ANKRD36: variants seen among roughly 807,000 people sequenced by gnomAD.
ANKRD36 encodes ankyrin repeat domain-containing protein 36A.
In ANKRD36, 179 loss-of-function variants were observed where a neutral mutation model predicts 278.1. That is an observed-to-expected ratio of 0.64 (90% CI 0.57 to 0.73). The LOEUF (loss-of-function observed/expected upper bound fraction) is 0.73. ANKRD36 is among the 30% of genes least tolerant of loss of function. ANKRD36 has a pLI of 0.00. For missense variants in ANKRD36, 1,159 were observed against 1,956.7 expected (o/e 0.59, Z 7.69); for synonymous variants, 320 against 641.1 (o/e 0.50, Z 7.57).
chr2:97,191,270 A>G, intron 36 of ANKRD36, 89 bp downstream of exon 36: 1 of 1,345,042 alleles, frequency 7.4e-7, no homozygotes, highest in East Asian at 2.6e-5. Flanking sequence ...GGGCTCGTCG[A>G]AGCTGCACAT....
At position 97,206,200 on chromosome 2, in the gene ANKRD36, G is replaced by A. The variant is rs911196390; in HGVS notation, c.3163+65G>A. Reference sequence around the variant, plus strand: ...ATAGATAAGAAGTTCTCTTCCCCAAGTAAATCAGCGGGGGGCTCATCGAAG... The same window carrying A: ...ATAGATAAGAAGTTCTCTTCCCCAAATAAATCAGCGGGGGGCTCATCGAAG... On this transcript the variant is annotated intron_variant, in intron 52 of 75. Coordinates refer to ENST00000420699, the MANE Select transcript of ANKRD36 (RefSeq NM_001354587.1). The A allele has an allele frequency of 8.7e-5, 124 of 1,429,294 alleles. No individual in the cohort carries two copies. In the Middle Eastern group the frequency reaches 9.9e-4, roughly 11 times the overall value. 88.5% of individuals were successfully genotyped at this position (1,429,294 alleles called of 1,614,324 possible).
At chr2:97,149,525 T>C (rs2045334905) in intron 12 of ANKRD36, among the ~76,000 whole-genome samples, 164 bp downstream of exon 12, 1 of 150,440 alleles carries the variant, frequency 6.6e-6, no homozygotes, top group African/African-American at 2.5e-5. Flanking sequence ...TTAATTTTAA[T>C]TTTTTTTACT....
At chr2:97,146,387 C>G in intron 10 of ANKRD36, 99 bp from the exon 11 acceptor site, 2 of 1,029,746 alleles carry the variant, frequency 1.9e-6, no homozygotes, top group East Asian at 2.7e-5. Flanking sequence ...TTTTGAGTAG[C>G]TGAGATTATA....
At chr2:97,147,058 G>GT (rs2044455477) in intron 11 of ANKRD36, among the ~76,000 whole-genome samples, 1 of 151,798 alleles carries the variant, frequency 6.6e-6, no homozygotes, top group African/African-American at 2.4e-5. Flanking sequence ...AAGACCGTAA[G>GT]TTTTTTGTAA....
chr2:97,207,073 G>A (rs1469509891), intron 52 of ANKRD36, among the ~76,000 whole-genome samples: 3 of 151,514 alleles, frequency 2.0e-5, no homozygotes, highest in Non-Finnish European at 4.4e-5. Flanking sequence ...AATGCTTGTA[G>A]CAGTCTTACT....
Position 97,191,109 on chromosome 2 carries a change from G to T in ANKRD36, c.2275G>T (p.Ala759Ser). Residue 759 changes from alanine (A) to serine (S), a missense_variant and splice_region_variant, in exon 36 of 76, where the codon GCT (alanine) becomes TCT (serine). Transcript: ENST00000420699. ...VSSQKQPALK[A>S]TTDEKDSVSN... ...TTACTTTCTTTCAAATTCCATTCAG[G>T]CTACAACTGATGAGAAAGATTCTGT... 6.3e-7 allele frequency: 1 copy of T among 1,596,670 alleles called. No individual in the cohort carries two copies. The highest frequency in any genetic ancestry group is 8.5e-7 in the Non-Finnish European group (1 of 1,171,712).
intron 5 of ANKRD36, among the ~76,000 whole-genome samples, chr2:97,125,236 A>G (rs2038246424): frequency 6.6e-6 from 1 of 151,636 alleles, no homozygotes; most frequent in Non-Finnish European, 1.5e-5. Context: ...CTCAATCTTC[A>G]TGTTGATCCA....
At chr2:97,231,879 C>T (rs1258946825) in intron 67 of ANKRD36, among the ~76,000 whole-genome samples, 1 of 152,102 alleles carries the variant, frequency 6.6e-6, no homozygotes, top group Non-Finnish European at 1.5e-5. Flanking sequence ...TAGGAAAAAG[C>T]ACTCAAGTGT....
At chr2:97,199,620 C>T (rs1265668067) in intron 44 of ANKRD36, among the ~76,000 whole-genome samples, 16 of 151,888 alleles carry the variant, frequency 1.1e-4, no homozygotes, top group Non-Finnish European at 1.5e-5. Flanking sequence ...AGAAGTATGT[C>T]AAAGTTGATA....
intron 6 of ANKRD36, among the ~76,000 whole-genome samples, chr2:97,134,473 C>G (rs1425809477): frequency 1.3e-5 from 2 of 152,014 alleles, no homozygotes; most frequent in Non-Finnish European, 2.9e-5. Flanking sequence ...GAAAGTCTTT[C>G]CTATTTACCT....
intron 18 of ANKRD36, 42 bp from the exon 19 acceptor site, chr2:97,164,241 A>T (rs753327672): frequency 3.4e-6 from 5 of 1,488,680 alleles, no homozygotes; most frequent in Non-Finnish European, 4.5e-6. Context: ...AGGCTGTGTC[A>T]TATTTACCTG....
At chr2:97,168,277 T>C (rs1415844911) in intron 22 of ANKRD36, among the ~76,000 whole-genome samples, 1 of 152,274 alleles carries the variant, frequency 6.6e-6, no homozygotes, top group East Asian at 1.9e-4. Context: ...GTTTGTGAGT[T>C]TGGGTGTGTG....
In ANKRD36 at chr2:97,220,177, G is replaced by A. The variant is rs569099207; in HGVS notation, c.3877+931G>A. 1.1e-3 allele frequency among the ~76,000 whole-genome samples: 165 copies of A among 148,296 alleles called. 2 individuals are homozygous for A. Among genetic ancestry groups the A allele is most frequent in the African/African-American group, 3.9e-3 (154 of 39,086 alleles). On this transcript the variant is annotated intron_variant, in intron 66 of 75. Transcript: ENST00000420699. ...ATAGTTTGATACAGGCATACAATGT[G>A]TAATAATGACATCATGGTTAATGGG... is the stretch of plus-strand genomic sequence containing the variant.
chr2:97,223,064 G>T (rs1293373158), intron 66 of ANKRD36, among the ~76,000 whole-genome samples: 22 of 149,054 alleles, frequency 1.5e-4, no homozygotes, highest in African/African-American at 5.2e-4. Flanking sequence ...TTTCATTTTT[G>T]ACAATTATTT....
In ANKRD36 at chr2:97,179,769, A is replaced by C. The variant is rs1354368448; in HGVS notation, c.1662+3A>C. 1.9e-6 allele frequency: 3 copies of C among 1,594,038 alleles called. No individual in the cohort carries two copies. The Admixed American group carries it at 5.1e-5, about 27-fold the overall frequency. ...CTCAGAAACAACCAGCTGAGAAGGT[A>C]ATTAAAGTCTCATTTATATGTTGAA... On this transcript the variant is annotated splice_donor_region_variant and intron_variant, in intron 23 of 75. Transcript: ENST00000420699.
At chr2:97,192,313 C>A (rs528704415) in intron 36 of ANKRD36, among the ~76,000 whole-genome samples, 51 of 151,830 alleles carry the variant, frequency 3.4e-4, no homozygotes, top group Non-Finnish European at 4.7e-4. Context: ...TAGGTATCAG[C>A]AAATGGATAT....
At position 97,193,470 on chromosome 2, in the gene ANKRD36, G is replaced by A. The variant is rs547279932; in HGVS notation, c.2449+417G>A. ...CCGTAGACACTGTAGGAGAACTAAGGAGACCCCTGGTGTAGCAACTATTTT... is the reference window on the plus strand; with the variant it reads ...CCGTAGACACTGTAGGAGAACTAAGAAGACCCCTGGTGTAGCAACTATTTT... On this transcript the variant is annotated intron_variant, in intron 38 of 75. Transcript: ENST00000420699. Among the ~76,000 whole-genome samples, 15 of 119,942 alleles carry A rather than the reference G, an allele frequency of 1.3e-4. No individual in the cohort carries two copies. In the East Asian group the frequency reaches 2.6e-3, roughly 20 times the overall value. 78.7% of individuals were successfully genotyped at this position (119,942 alleles called of 152,430 possible).
chr2:97,216,901 G>A (rs1401712325), intron 62 of ANKRD36: 2 of 761,766 alleles, frequency 2.6e-6, no homozygotes, highest in Admixed American at 2.2e-5. Flanking sequence ...TCATCACTCA[G>A]CATATCCACG....
intron 6 of ANKRD36, among the ~76,000 whole-genome samples, chr2:97,130,060 G>T (rs530229929): frequency 6.6e-6 from 1 of 152,080 alleles, no homozygotes; most frequent in Admixed American, 6.6e-5. Flanking sequence ...ATTACCTTGG[G>T]CAGTACAGCC....
Sources: allele counts gnomAD v4.1 joint callset (sites outside exome capture counted in the v4.1 genomes callset), GRCh38; gene constraint gnomAD v4.1.1; transcripts MANE v1.5; gene names NCBI Gene and HGNC (gene_info 2026-07-23, HGNC 2026-07-21).